HIVEP3: variants seen among roughly 807,000 people sequenced by gnomAD.
The protein encoded by HIVEP3 is transcription factor HIVEP3.
In HIVEP3, 49 loss-of-function variants were observed where a neutral mutation model predicts 152.8. The ratio of observed to expected loss-of-function variants is 0.32; its 90% CI spans 0.26 to 0.41. HIVEP3 has a LOEUF of 0.41. HIVEP3 is among the 10% of genes least tolerant of loss of function. The pLI, the probability that HIVEP3 is intolerant of heterozygous loss-of-function variation, is 1.00. For synonymous variants in HIVEP3, 1,269 were observed against 1,289.0 expected (o/e 0.98, Z 0.33); for missense variants, 2,790 against 3,103.3 (o/e 0.90, Z 2.40).
At chr1:42,035,568 G>A (rs1269279900) in intron 1 of HIVEP3, among the ~76,000 whole-genome samples, 1 of 152,158 alleles carries the variant, frequency 6.6e-6, no homozygotes, top group Non-Finnish European at 1.5e-5. Context: ...GGCCCGGGAA[G>A]GGGGGCTCGG....
intron 1 of HIVEP3, among the ~76,000 whole-genome samples, chr1:42,023,750 G>A (rs1283213245): frequency 6.6e-6 from 1 of 152,176 alleles, no homozygotes. Flanking sequence ...TGCAGAAACT[G>A]AGCCGATGCC....
intron 1 of HIVEP3, among the ~76,000 whole-genome samples, chr1:41,884,089 C>G (rs1192753321): frequency 1.3e-5 from 2 of 152,126 alleles, no homozygotes; most frequent in African/African-American, 4.8e-5. Flanking sequence ...CCTCAGCCTC[C>G]CTGGTAGCTG....
In HIVEP3 at chr1:41,737,994, G is replaced by A. The variant is rs113398833; in HGVS notation, c.-800-36999C>T. On this transcript the variant is annotated intron_variant, in intron 1 of 8. Coordinates refer to ENST00000372583, the MANE Select transcript of HIVEP3 (RefSeq NM_024503.5). ...TCACTGAAATTCTGAAGAAGGATAT[G>A]GATCCATGCCATGTCTATAGAGGAC... Among the ~76,000 whole-genome samples the A allele has an allele frequency of 2.3e-3, 345 of 152,322 alleles. 1 individual carries two copies. The highest frequency in any genetic ancestry group is 7.4e-3 in the African/African-American group (309 of 41,578).
At chr1:41,953,292 T>A (rs1456015821) in intron 1 of HIVEP3, among the ~76,000 whole-genome samples, 2 of 152,082 alleles carry the variant, frequency 1.3e-5, no homozygotes, top group East Asian at 3.8e-4. Context: ...GACTCTGGAG[T>A]CAGACTGCCT....
At chr1:41,732,328 C>T (rs1217048844) in intron 1 of HIVEP3, among the ~76,000 whole-genome samples, 1 of 152,146 alleles carries the variant, frequency 6.6e-6, no homozygotes, top group Admixed American at 6.5e-5. Flanking sequence ...GATTAAGCAA[C>T]TCGCCCAGGG....
intron 1 of HIVEP3, among the ~76,000 whole-genome samples, chr1:41,794,280 C>G (rs1305175009): frequency 6.6e-6 from 1 of 152,132 alleles, no homozygotes; most frequent in Non-Finnish European, 1.5e-5. Flanking sequence ...TATTCACTAT[C>G]ACAATGACAG....
chr1:41,782,529 C>G (rs1028402294), intron 1 of HIVEP3, among the ~76,000 whole-genome samples: 1 of 152,026 alleles, frequency 6.6e-6, no homozygotes, highest in Non-Finnish European at 1.5e-5. Context: ...GTCAGGAGTT[C>G]AAGACAAGCC....
chr1:41,994,478 T>C (rs1308138193), intron 1 of HIVEP3, among the ~76,000 whole-genome samples: 1 of 152,114 alleles, frequency 6.6e-6, no homozygotes, highest in Non-Finnish European at 1.5e-5. Context: ...TGGGAACAGG[T>C]TTCCCCCATG....
intron 1 of HIVEP3, among the ~76,000 whole-genome samples, chr1:41,766,670 C>T (rs962287732): frequency 6.6e-6 from 1 of 152,212 alleles, no homozygotes; most frequent in Non-Finnish European, 1.5e-5. Context: ...ATCTGGACAG[C>T]ACCTGCATCA....
intron 3 of HIVEP3, among the ~76,000 whole-genome samples, chr1:41,605,461 G>A (rs111872439): frequency 0.028 from 4,209 of 151,948 alleles, 74 homozygotes; most frequent in Middle Eastern, 0.054. Flanking sequence ...TCTGGTTTGT[G>A]TACATAACTG....
At chr1:41,554,563 G>C (rs1179459481) in intron 5 of HIVEP3, among the ~76,000 whole-genome samples, 1 of 152,198 alleles carries the variant, frequency 6.6e-6, no homozygotes, top group Non-Finnish European at 1.5e-5. Context: ...TGGAGGAGAA[G>C]AGGCACTCTG....
At chr1:41,513,920 C>T (rs1420034492) in intron 7 of HIVEP3, among the ~76,000 whole-genome samples, 170 bp from the exon 8 acceptor site, 1 of 152,206 alleles carries the variant, frequency 6.6e-6, no homozygotes, top group Non-Finnish European at 1.5e-5. Flanking sequence ...TATGGGAGCG[C>T]TTTGTAAATA....
chr1:41,820,971 G>C (rs1290090604), intron 1 of HIVEP3, among the ~76,000 whole-genome samples: 1 of 152,164 alleles, frequency 6.6e-6, no homozygotes, highest in East Asian at 1.9e-4. Context: ...GTGACAGGTG[G>C]GAACTTGGGG....
chr1:41,545,611 CCACCACTACCAT>C (rs1643766148), intron 5 of HIVEP3, among the ~76,000 whole-genome samples: 1 of 135,992 alleles, frequency 7.4e-6, no homozygotes, highest in African/African-American at 2.9e-5. Context: ...ACCACCATCA[CCACCACTACCAT>C]CACCACCACC....
At chr1:41,903,346 C>T (rs781711638) in intron 1 of HIVEP3, among the ~76,000 whole-genome samples, 9 of 152,230 alleles carry the variant, frequency 5.9e-5, no homozygotes, top group Non-Finnish European at 1.2e-4. Context: ...GCCAGACTCT[C>T]TGTGCCTCAG....
At chr1:41,858,150 A>G (rs893169738) in intron 1 of HIVEP3, among the ~76,000 whole-genome samples, 13 of 152,232 alleles carry the variant, frequency 8.5e-5, no homozygotes, top group African/African-American at 3.1e-4. Flanking sequence ...AGTTTTACCC[A>G]GTAATCAATG....
chr1:41,781,922 C>T lies in HIVEP3; in HGVS notation c.-800-80927G>A, dbSNP rs1558264335. Among the ~76,000 whole-genome samples, 5 of 152,322 alleles carry T rather than the reference C, an allele frequency of 3.3e-5. No homozygotes were observed. The South Asian group carries it at 1.0e-3, about 32-fold the overall frequency. On this transcript the variant is annotated intron_variant, in intron 1 of 8. Transcript: ENST00000372583. ...CCTCTGCTCCCAGGTGATCTCTATGCATTATAAGGAGTCAGCCTTCCACCC... is the reference window on the plus strand; with the variant it reads ...CCTCTGCTCCCAGGTGATCTCTATGTATTATAAGGAGTCAGCCTTCCACCC...
chr1:41,602,431 A>G (rs1317516677), intron 3 of HIVEP3, among the ~76,000 whole-genome samples: 2 of 151,990 alleles, frequency 1.3e-5, no homozygotes, highest in African/African-American at 4.8e-5. Context: ...CATATTAGTT[A>G]TAGGTCTGTT....
At chr1:42,029,491 C>T (rs1645601289) in intron 1 of HIVEP3, among the ~76,000 whole-genome samples, 1 of 152,174 alleles carries the variant, frequency 6.6e-6, no homozygotes, top group Non-Finnish European at 1.5e-5. Flanking sequence ...TTATTATTAA[C>T]AGACTAGGAG....
Sources: gnomAD v4.1 joint callset for allele counts (sites outside exome capture counted in the v4.1 genomes callset) on GRCh38, gnomAD v4.1.1 for gene constraint, MANE v1.5 for transcripts, NCBI Gene and HGNC (gene_info 2026-07-23, HGNC 2026-07-21) for gene names.